The following ADAM12 variants were observed in gnomAD, a reference collection of about 807,000 sequenced individuals.
ADAM12 encodes the protein disintegrin and metalloproteinase domain-containing protein 12.
In ADAM12, 70 loss-of-function variants were observed where a neutral mutation model predicts 106.4. That is an observed-to-expected ratio of 0.66 (90% confidence interval 0.54 to 0.80). The LOEUF is 0.80. Among genes scored for constraint, ADAM12 ranks in the 30% least tolerant of loss-of-function variants. ADAM12 has a pLI of 0.00. For missense variants in ADAM12, 1,010 were observed against 1,171.9 expected (o/e 0.86, Z 2.02); for synonymous variants, 420 against 433.5 (o/e 0.97, Z 0.39).
intron 1 of ADAM12, among the ~76,000 whole-genome samples, chr10:126,368,269 A>G (rs1184807539): frequency 6.6e-6 from 1 of 151,720 alleles, no homozygotes; most frequent in Non-Finnish European, 1.5e-5. Flanking sequence ...TGTTATTTAT[A>G]TTAAAACTCT....
chr10:126,284,988 T>C (rs1381675838), intron 2 of ADAM12, among the ~76,000 whole-genome samples: 1 of 152,122 alleles, frequency 6.6e-6, no homozygotes, highest in Admixed American at 6.5e-5. Context: ...GGGTTAAGGG[T>C]GTGACCCAAG....
intron 11 of ADAM12, among the ~76,000 whole-genome samples, chr10:126,085,666 G>GTCCA (rs1278879017): frequency 1.3e-5 from 2 of 151,194 alleles, no homozygotes; most frequent in African/African-American, 4.9e-5. Context: ...CTGTCCATCC[G>GTCCA]TCCATCCATC....
intron 18 of ADAM12, among the ~76,000 whole-genome samples, chr10:126,040,822 C>T (rs568336903): frequency 6.2e-4 from 94 of 152,186 alleles, no homozygotes; most frequent in Admixed American, 2.3e-3. Context: ...TTACAGGGCC[C>T]CCACACTGAA....
rs1241928970 is a variant in ADAM12 at position 126,065,002 on chromosome 10, C to G, written c.1414-1G>C. 1 of 1,607,610 alleles carries G rather than the reference C, an allele frequency of 6.2e-7. No individual in the cohort carries two copies. The highest frequency in any genetic ancestry group is 8.5e-7 in the Non-Finnish European group (1 of 1,176,984). On this transcript the variant is annotated splice_acceptor_variant, in intron 13 of 22. Coordinates refer to ENST00000448723, the MANE Select transcript of ADAM12 (RefSeq NM_001288973.2). LOFTEE classifies it high-confidence loss of function. ...TGCACGCTGTTCCTGCAGGCTTCAG[C>G]TGGAAGGAGAGGGCCATTTATGACA... is the stretch of plus-strand genomic sequence containing the variant.
At chr10:126,283,552 T>C (rs1303743715) in intron 2 of ADAM12, among the ~76,000 whole-genome samples, 1 of 152,188 alleles carries the variant, frequency 6.6e-6, no homozygotes, top group South Asian at 2.1e-4. Flanking sequence ...CCCTCCTCAG[T>C]AGCAAGACAG....
intron 2 of ADAM12, among the ~76,000 whole-genome samples, chr10:126,298,883 A>G (rs1960493182): frequency 6.6e-6 from 1 of 152,258 alleles, no homozygotes; most frequent in South Asian, 2.1e-4. Flanking sequence ...TATGATTAAA[A>G]TTGAAAATGA....
intron 2 of ADAM12, among the ~76,000 whole-genome samples, chr10:126,325,487 A>G (rs1325975085): frequency 6.6e-6 from 1 of 152,264 alleles, no homozygotes; most frequent in Non-Finnish European, 1.5e-5. Flanking sequence ...TGTATGGAGT[A>G]GAATGTGCCT....
At chr10:126,039,481 G>T (rs1590320285) in intron 18 of ADAM12, 52 bp from the exon 19 acceptor site, 1 of 1,608,960 alleles carries the variant, frequency 6.2e-7, no homozygotes, top group Admixed American at 1.7e-5. Flanking sequence ...AATGAAATAT[G>T]GGAGGTATCA....
In ADAM12 at chr10:126,023,883, T is replaced by A. The variant is rs537101121; in HGVS notation, c.2530-4058A>T. On this transcript the variant is annotated intron_variant, in intron 21 of 22. Transcript: ENST00000448723. ...ACCTGCATCCTAGGCCTTGAAGAAC[T>A]ATAATTTAAAAAAGTGAACTCATGG... is the stretch of plus-strand genomic sequence containing the variant. 3.5e-5 allele frequency among the ~76,000 whole-genome samples: 5 copies of A among 143,058 alleles called. No individual in the cohort carries two copies. The East Asian group carries it at 6.1e-4, about 17-fold the overall frequency. 93.9% of individuals were successfully genotyped at this position (143,058 alleles called of 152,430 possible).
Position 126,193,750 on chromosome 10 carries a change from A to G in ADAM12, c.261-38445T>C, listed in dbSNP as rs559100081. ...CACCTCTACTAAAAATACAAAAATT[A>G]GCTGCATGTGGTGGCGTGCGCCTGT... On this transcript the variant is annotated intron_variant, in intron 3 of 22. Coordinates refer to ENST00000448723, the MANE Select transcript of ADAM12 (RefSeq NM_001288973.2). Among the ~76,000 whole-genome samples, 20 of 152,244 alleles carry G rather than the reference A, an allele frequency of 1.3e-4. 1 individual carries two copies. The highest frequency in any genetic ancestry group is 4.1e-4 in the African/African-American group (17 of 41,532).
At chr10:126,121,122 G>GCATATATAGTATATATAGTATATATAGTA (rs1956088278) in intron 5 of ADAM12, among the ~76,000 whole-genome samples, 1 of 29,598 alleles carries the variant, frequency 3.4e-5, no homozygotes, top group Non-Finnish European at 6.9e-5. Flanking sequence ...TATATATATA[G>GCATATATAGTATATATAGTATATATAGTA]TATATATACT....
intron 11 of ADAM12, among the ~76,000 whole-genome samples, chr10:126,082,875 T>G (rs1050004638): frequency 6.6e-6 from 1 of 152,188 alleles, no homozygotes; most frequent in Non-Finnish European, 1.5e-5. Flanking sequence ...GAATGGACAT[T>G]GCTTGGACAA....
At chr10:126,077,051 A>G (rs1955116047) in intron 11 of ADAM12, among the ~76,000 whole-genome samples, 1 of 152,232 alleles carries the variant, frequency 6.6e-6, no homozygotes, top group South Asian at 2.1e-4. Flanking sequence ...TGAACTCAGT[A>G]AAGTTTCAGG....
intron 3 of ADAM12, among the ~76,000 whole-genome samples, chr10:126,235,626 C>G (rs1309271542): frequency 6.6e-6 from 1 of 152,214 alleles, no homozygotes; most frequent in Non-Finnish European, 1.5e-5. Flanking sequence ...CCCAGCCACA[C>G]TCAGAAGATG....
chr10:126,128,295 T>G (rs1303020355), intron 5 of ADAM12, among the ~76,000 whole-genome samples: 3 of 151,930 alleles, frequency 2.0e-5, no homozygotes, highest in Non-Finnish European at 1.5e-5. Context: ...GATATGGGGA[T>G]GGGGCAAAGG....
intron 1 of ADAM12, among the ~76,000 whole-genome samples, chr10:126,364,781 A>C (rs112093255): frequency 3.3e-4 from 50 of 152,242 alleles, no homozygotes; most frequent in African/African-American, 1.2e-3. Flanking sequence ...TAAGGGGGGA[A>C]ATTAAACTGC....
chr10:126,149,964 C>T (rs929080322), intron 4 of ADAM12, among the ~76,000 whole-genome samples: 2 of 152,208 alleles, frequency 1.3e-5, no homozygotes, highest in Non-Finnish European at 2.9e-5. Flanking sequence ...TTCTGTCCTT[C>T]AAGAGAACCC....
intron 3 of ADAM12, among the ~76,000 whole-genome samples, chr10:126,227,226 CACT>C (rs1409718050): frequency 6.6e-6 from 1 of 152,080 alleles, no homozygotes; most frequent in Non-Finnish European, 1.5e-5. Flanking sequence ...TCATGCCCAC[CACT>C]ATTACCATGA....
At chr10:126,097,986 C>T (rs1377499561) in intron 10 of ADAM12, among the ~76,000 whole-genome samples, 1 of 152,182 alleles carries the variant, frequency 6.6e-6, no homozygotes, top group Non-Finnish European at 1.5e-5. Flanking sequence ...AAGCTAAAAA[C>T]CTCAGACTTT....
Sources: allele counts gnomAD v4.1 joint callset (sites outside exome capture counted in the v4.1 genomes callset), GRCh38; gene constraint gnomAD v4.1.1; transcripts MANE v1.5; gene names NCBI Gene and HGNC (gene_info 2026-07-23, HGNC 2026-07-21).